DCAF10: variants seen among roughly 807,000 people sequenced by gnomAD.
The protein encoded by DCAF10 is DDB1 and CUL4 associated factor 10.
Under a neutral mutation model 51.9 loss-of-function variants are expected in DCAF10, and 19 were observed. The observed-to-expected ratio is 0.37, with a 90% CI of 0.26 to 0.54. The LOEUF is 0.54. DCAF10 is among the 20% of genes least tolerant of loss of function. The pLI is 0.87. For synonymous variants in DCAF10, 291 were observed against 297.1 expected (o/e 0.98, Z 0.21); for missense variants, 510 against 730.6 (o/e 0.70, Z 3.48).
At chr9:37,804,295 G>C (rs547362709) in intron 1 of DCAF10, among the ~76,000 whole-genome samples, 1 of 138,258 alleles carries the variant, frequency 7.2e-6, no homozygotes, top group African/African-American at 2.7e-5. Context: ...TATATGGTAC[G>C]CTTATACCAT....
chr9:37,800,732 C>T (rs1369144025), upstream of DCAF10: 3 of 1,534,636 alleles, frequency 2.0e-6, no homozygotes, highest in Admixed American at 3.9e-5. Context: ...CCCCGGCGGA[C>T]GGTGGCCGAG....
intron 1 of DCAF10, among the ~76,000 whole-genome samples, chr9:37,808,617 TATATTTATATAATATAATATAAAAA>T (rs1255752567): frequency 2.4e-4 from 19 of 79,936 alleles, no homozygotes; most frequent in African/African-American, 2.0e-4. Flanking sequence ...AAAAATATAA[TATATTTATATAATATAATATAAAAA>T]TATATAATAT....
rs551226932 is a variant in DCAF10, at chr9:37,806,228, T to C, written c.539+4823T>C. ...AGTTGTTAAAATATTGATATGTCCA[T>C]AGTGGTTGAACAGTTACTGTCCCAA... On this transcript the variant is annotated intron_variant, in intron 1 of 6. Coordinates refer to ENST00000377724, the MANE Select transcript of DCAF10 (RefSeq NM_024345.5). 7.2e-5 allele frequency among the ~76,000 whole-genome samples: 11 copies of C among 152,362 alleles called. No individual in the cohort carries two copies. In the South Asian group the frequency reaches 2.1e-3, roughly 29 times the overall value.
chr9:37,856,873 T>TA (rs1338474721), intron 4 of DCAF10, among the ~76,000 whole-genome samples: 1 of 152,252 alleles, frequency 6.6e-6, no homozygotes. Flanking sequence ...ATGTTTCTGG[T>TA]AATGGGCCTG....
intron 2 of DCAF10, among the ~76,000 whole-genome samples, chr9:37,841,887 T>C (rs1274313928): frequency 6.6e-6 from 1 of 152,212 alleles, no homozygotes; most frequent in Non-Finnish European, 1.5e-5. Flanking sequence ...GCAATATGAC[T>C]GTCATTAAAT....
At chr9:37,839,593 A>AATCC (rs1318507875) in intron 2 of DCAF10, among the ~76,000 whole-genome samples, 1 of 152,088 alleles carries the variant, frequency 6.6e-6, no homozygotes, top group Non-Finnish European at 1.5e-5. Context: ...CCATAGAATA[A>AATCC]ATCCATAATG....
In DCAF10 at chr9:37,866,936, G is replaced by A. The variant is rs950882981; in HGVS notation, c.*5428G>A. The A allele has an allele frequency of 3.3e-5, 5 of 152,292 alleles. No individual in the cohort carries two copies. Among genetic ancestry groups the A allele is most frequent in the African/African-American group, 4.8e-5 (2 of 41,434 alleles). 9.4% of individuals were successfully genotyped at this position (152,292 alleles called of 1,614,324 possible). ...AGATAGACATAAGAGTATTTTGGAT[G>A]CCATTAAACTTTGTCAATAACCATT... On this transcript the variant is annotated 3_prime_UTR_variant, in exon 7 of 7. Coordinates refer to ENST00000377724, the MANE Select transcript of DCAF10 (RefSeq NM_024345.5).
intron 1 of DCAF10, among the ~76,000 whole-genome samples, chr9:37,804,682 A>T (rs970347529): frequency 6.6e-6 from 1 of 152,016 alleles, no homozygotes; most frequent in African/African-American, 2.4e-5. Flanking sequence ...AGGCTGAGGC[A>T]GGAGAATCGC....
chr9:37,847,282 A>G (rs1238530141), intron 3 of DCAF10, among the ~76,000 whole-genome samples: 1 of 147,748 alleles, frequency 6.8e-6, no homozygotes, highest in Admixed American at 6.7e-5. Context: ...AAAAAAGAAT[A>G]GAAACCACAA....
chr9:37,829,452 TAAATA>T lies in DCAF10; in HGVS notation c.653+10065_653+10069del, dbSNP rs1310731732. On this transcript the variant is annotated intron_variant, in intron 2 of 6. Coordinates refer to ENST00000377724, the MANE Select transcript of DCAF10 (RefSeq NM_024345.5). The surrounding 1 kb of genome is among the most constrained non-coding windows in gnomAD (Gnocchi z 4.2). ...CAAGACTCCATGTCAAAAAAATTAA[TAAATA>T]AAATAAAATAAAACAAAAAACTACA... Among the ~76,000 whole-genome samples the T allele has an allele frequency of 6.6e-6, 1 of 151,648 alleles. No homozygotes were observed. Among genetic ancestry groups the T allele is most frequent in the Non-Finnish European group, 1.5e-5 (1 of 67,896 alleles).
intron 3 of DCAF10, among the ~76,000 whole-genome samples, chr9:37,853,611 A>G (rs764700783): frequency 7.2e-5 from 11 of 151,938 alleles, no homozygotes; most frequent in Non-Finnish European, 1.3e-4. Flanking sequence ...ACTCATTTTC[A>G]TTATATTTTC....
At position 37,848,428 on chromosome 9, in the gene DCAF10, A is replaced by C. The variant is rs928489182; in HGVS notation, c.851+6142A>C. On this transcript the variant is annotated intron_variant, in intron 3 of 6. Coordinates refer to ENST00000377724, the MANE Select transcript of DCAF10 (RefSeq NM_024345.5). Reference sequence around the variant, plus strand: ...ATTGATACATGCTATGACATGGATGAACCTCAAAAAATTATGCTGGGTGAA... The same window carrying C: ...ATTGATACATGCTATGACATGGATGCACCTCAAAAAATTATGCTGGGTGAA... 4.6e-5 allele frequency among the ~76,000 whole-genome samples: 7 copies of C among 152,242 alleles called. 1 individual carries two copies. Among genetic ancestry groups the C allele is most frequent in the Admixed American group, 4.6e-4 (7 of 15,286 alleles).
intron 2 of DCAF10, among the ~76,000 whole-genome samples, chr9:37,827,169 T>G (rs770146906): frequency 3.3e-5 from 5 of 152,040 alleles, no homozygotes; most frequent in Non-Finnish European, 7.4e-5. Context: ...AAGAAGCAAC[T>G]ACATGCGATC....
intron 2 of DCAF10, among the ~76,000 whole-genome samples, chr9:37,838,941 G>T (rs1337760357): frequency 6.6e-6 from 1 of 151,998 alleles, no homozygotes; most frequent in East Asian, 1.9e-4. Context: ...CATTAAACAT[G>T]ATTTTGTTAA....
intron 2 of DCAF10, among the ~76,000 whole-genome samples, chr9:37,824,827 AAAGAT>A (rs1829806702): frequency 6.6e-6 from 1 of 152,166 alleles, no homozygotes; most frequent in South Asian, 2.1e-4. Flanking sequence ...GGGCTTTAAT[AAAGAT>A]AAAATGAAAC....
intron 5 of DCAF10, 62 bp from the exon 6 acceptor site, chr9:37,859,986 T>C: frequency 1.3e-6 from 2 of 1,596,370 alleles, no homozygotes; most frequent in South Asian, 2.2e-5. Context: ...TAAAAAGCTT[T>C]GATGAACTGC....
At chr9:37,805,074 G>A (rs1353804412) in intron 1 of DCAF10, among the ~76,000 whole-genome samples, 8 of 152,196 alleles carry the variant, frequency 5.3e-5, no homozygotes, top group African/African-American at 1.9e-4. Flanking sequence ...GGTCTGAGAA[G>A]CTAGAAGGAA....
At chr9:37,825,195 G>A (rs1287120357) in intron 2 of DCAF10, among the ~76,000 whole-genome samples, 1 of 152,116 alleles carries the variant, frequency 6.6e-6, no homozygotes, top group Admixed American at 6.5e-5. Context: ...ATTCCTCAAA[G>A]ACCTAAAAAC....
intron 5 of DCAF10, among the ~76,000 whole-genome samples, chr9:37,857,843 T>A (rs1416134953): frequency 6.6e-6 from 1 of 152,170 alleles, no homozygotes; most frequent in Non-Finnish European, 1.5e-5. Flanking sequence ...TTTCCCAGTT[T>A]TTTCCTAGCC....
Sources: gnomAD v4.1 joint callset for allele counts (sites outside exome capture counted in the v4.1 genomes callset) on GRCh38, gnomAD v4.1.1 for gene constraint, Gnocchi (gnomAD v3.1) non-coding constraint, MANE v1.5 for transcripts, NCBI Gene and HGNC (gene_info 2026-07-23, HGNC 2026-07-21) for gene names.